Variants in CDKN2B-AS1 observed in about 807,000 individuals in gnomAD.
CDKN2B-AS1 encodes the protein CDKN2B and CDKN2A antisense cis and trans regulatory RNA 1.
chr9:22,030,034 G>A (rs1173699541), intron 1 of CDKN2B-AS1: 2 of 152,120 alleles, frequency 1.3e-5, no homozygotes, highest in African/African-American at 4.8e-5. Flanking sequence ...AAAGCCAAAA[G>A]TTCTTCTTGA....
chr9:22,058,930 C>G (rs1032265201), intron 4 of CDKN2B-AS1: 1 of 188,948 alleles, frequency 5.3e-6, no homozygotes, highest in African/African-American at 2.4e-5. Context: ...TCTGATAAAC[C>G]CATCAGATCT....
intron 1 of CDKN2B-AS1, among the ~76,000 whole-genome samples, chr9:22,013,874 T>C (rs1821623181): frequency 6.6e-6 from 1 of 152,210 alleles, no homozygotes; most frequent in South Asian, 2.1e-4. Context: ...TGAATGCTTC[T>C]TTATAATGAC....
At chr9:22,104,398 C>T (rs1033399148) in intron 4 of CDKN2B-AS1, among the ~76,000 whole-genome samples, 2 of 152,190 alleles carry the variant, frequency 1.3e-5, no homozygotes, top group African/African-American at 4.8e-5. Context: ...AGGATCAAAA[C>T]ATTTCACTTG....
intron 1 of CDKN2B-AS1, among the ~76,000 whole-genome samples, chr9:22,002,664 T>C (rs1820974660): frequency 1.3e-5 from 2 of 152,030 alleles, no homozygotes; most frequent in South Asian, 4.1e-4. Flanking sequence ...CTTGCCATAT[T>C]AGGGAAATAA....
chr9:22,080,849 A>G (rs1183657263), intron 4 of CDKN2B-AS1, among the ~76,000 whole-genome samples: 2 of 152,256 alleles, frequency 1.3e-5, no homozygotes, highest in East Asian at 3.9e-4. Flanking sequence ...GGGCTGAGCC[A>G]GACTCAGAAA....
chr9:22,103,077 T>C (rs761644245), intron 4 of CDKN2B-AS1, among the ~76,000 whole-genome samples: 4 of 151,658 alleles, frequency 2.6e-5, no homozygotes, highest in Non-Finnish European at 4.4e-5. Flanking sequence ...GAAATCTTAC[T>C]AGTGACTATT....
intron 1 of CDKN2B-AS1, among the ~76,000 whole-genome samples, chr9:22,034,947 G>A (rs1221016878): frequency 6.6e-6 from 1 of 152,130 alleles, no homozygotes; most frequent in African/African-American, 2.4e-5. Context: ...CATTCTAGTT[G>A]GGTAGTTTTA....
At chr9:22,124,311 A>G (rs956238577) in intron 4 of CDKN2B-AS1, among the ~76,000 whole-genome samples, 5 of 152,226 alleles carry the variant, frequency 3.3e-5, no homozygotes, top group African/African-American at 1.2e-4. Flanking sequence ...ATGTAGAGGT[A>G]GTAGGTACAG....
intron 4 of CDKN2B-AS1, among the ~76,000 whole-genome samples, chr9:22,094,606 G>C (rs1043004590): frequency 6.9e-6 from 1 of 144,060 alleles, no homozygotes; most frequent in Non-Finnish European, 1.5e-5. Flanking sequence ...TGATCGAATC[G>C]GCTACTGAGG....
Position 22,006,308 on chromosome 9 carries a change from G to C in CDKN2B-AS1, n.29+11147G>C, listed in dbSNP as rs1048952968. The C allele has an allele frequency of 8.2e-6, 13 of 1,595,054 alleles. No individual in the cohort carries two copies. Among genetic ancestry groups the C allele is most frequent in the Admixed American group, 1.7e-5 (1 of 59,714 alleles). On this transcript the variant is annotated intron_variant and non_coding_transcript_variant, in intron 1 of 4. Coordinates refer to ENST00000650946, the Ensembl canonical transcript of CDKN2B-AS1. This position sits in a 1 kb window ranked among gnomAD's most constrained non-coding sequence, Gnocchi z 6.4. ...GGGGCAGGTATGGGAGATGCCGGCC[G>C]GGGCAAGGCAGGTGGAGCCATTTAA...
chr9:22,029,593 C>T (rs1822383122), intron 1 of CDKN2B-AS1: 2 of 725,340 alleles, frequency 2.8e-6, no homozygotes. Context: ...ACACCTATTG[C>T]TGTAAGTGCT....
chr9:22,060,936 A>G (rs2383205), intron 4 of CDKN2B-AS1, among the ~76,000 whole-genome samples: 111,727 of 152,072 alleles, frequency 0.73, 42,610 homozygotes, highest in African/African-American at 0.93. Context: ...CTCACCCTGG[A>G]TACCTCCCAC....
intron 1 of CDKN2B-AS1, among the ~76,000 whole-genome samples, chr9:22,010,185 A>G (rs1172507460): frequency 6.6e-6 from 1 of 152,212 alleles, no homozygotes; most frequent in Non-Finnish European, 1.5e-5. Flanking sequence ...TTGTCATTAA[A>G]CAGGCTGAAC....
chr9:22,094,879 G>A (rs1161796773), intron 4 of CDKN2B-AS1, among the ~76,000 whole-genome samples: 1 of 144,202 alleles, frequency 6.9e-6, no homozygotes, highest in African/African-American at 2.9e-5. Flanking sequence ...TTTGGAGGAG[G>A]AGAGGCACTC....
chr9:22,069,106 T>C (rs1291331160), intron 4 of CDKN2B-AS1, among the ~76,000 whole-genome samples: 1 of 152,196 alleles, frequency 6.6e-6, no homozygotes, highest in Non-Finnish European at 1.5e-5. Flanking sequence ...TCTTTTACAT[T>C]ATTACTTTTC....
chr9:22,101,783 G>T (rs1184342333), intron 4 of CDKN2B-AS1, among the ~76,000 whole-genome samples: 1 of 151,570 alleles, frequency 6.6e-6, no homozygotes, highest in Non-Finnish European at 1.5e-5. Context: ...GAAGCAAGAG[G>T]CTGATACACT....
At chr9:22,111,728 A>T (rs1825809742) in intron 4 of CDKN2B-AS1, among the ~76,000 whole-genome samples, 1 of 152,178 alleles carries the variant, frequency 6.6e-6, no homozygotes, top group Non-Finnish European at 1.5e-5. Flanking sequence ...TTTCAGTGCC[A>T]ATTAAAGAAA....
chr9:22,007,005 A>G (rs1404757856), intron 1 of CDKN2B-AS1, among the ~76,000 whole-genome samples: 2 of 152,216 alleles, frequency 1.3e-5, no homozygotes, highest in African/African-American at 4.8e-5. Flanking sequence ...ATATTTGTAT[A>G]CTACAGGATT....
chr9:22,082,366 A>G (rs1824728420), intron 4 of CDKN2B-AS1, among the ~76,000 whole-genome samples: 1 of 152,200 alleles, frequency 6.6e-6, no homozygotes, highest in Admixed American at 6.5e-5. Context: ...GTGGCTCACT[A>G]TTCACATCAA....
Sources: gnomAD v4.1 joint callset for allele counts (sites outside exome capture counted in the v4.1 genomes callset) on GRCh38, gnomAD v4.1.1 for gene constraint, Gnocchi (gnomAD v3.1) non-coding constraint, MANE v1.5 for transcripts, NCBI Gene and HGNC (gene_info 2026-07-23, HGNC 2026-07-21) for gene names.